The following LMF1 variants were observed in gnomAD, a reference collection of about 807,000 sequenced individuals.
LMF1 encodes the protein lipase maturation factor 1.
In LMF1, 68 loss-of-function variants were observed where a neutral mutation model predicts 60.6. That is an observed-to-expected ratio of 1.12 (90% CI 0.92 to 1.37). LMF1 has a LOEUF of 1.37. LMF1 is among the 40% of genes most tolerant of loss of function. The pLI is 0.00. For synonymous variants in LMF1, 418 were observed against 324.7 expected, an observed-to-expected ratio of 1.29 and a Z score of -3.09; for missense variants, 948 against 767.2, an observed-to-expected ratio of 1.24 and a Z score of -2.78.
At chr16:889,589 G>A (rs1391861720) in intron 5 of LMF1, among the ~76,000 whole-genome samples, 1 of 152,180 alleles carries the variant, frequency 6.6e-6, no homozygotes, top group Non-Finnish European at 1.5e-5. Flanking sequence ...CTACAGCATA[G>A]GGGCAACTTT....
chr16:854,655 C>G lies in LMF1; in HGVS notation c.1581G>C (p.Arg527Ser). 1 of 1,604,846 alleles carries G rather than the reference C, an allele frequency of 6.2e-7. No individual in the cohort carries two copies. The highest frequency in any genetic ancestry group is 8.5e-7 in the Non-Finnish European group (1 of 1,177,998). Residue 527 changes from arginine (R) to serine (S), a missense_variant, in exon 11 of 11, where the codon AGG becomes AGC. Physicochemically the swap from Arg to Ser is moderately radical, Grantham distance 110 (BLOSUM62 -1). Coordinates refer to ENST00000262301, the MANE Select transcript of LMF1 (RefSeq NM_022773.4). The stretch of plus-strand genomic sequence containing the variant: ...CCCACCACTTGCCCTCGGCGGCGTG[C>G]CTGCCCCCAGGACGGCTGAACTTGT... ...YRYKFSRPGG[R>S]HAAEGKWWVR...
intron 10 of LMF1, among the ~76,000 whole-genome samples, chr16:859,069 C>G (rs1596830081): frequency 1.9e-5 from 2 of 105,724 alleles, no homozygotes; most frequent in Non-Finnish European, 1.8e-5. Flanking sequence ...AGTGGTGTCA[C>G]GGGACGGGTG....
chr16:862,962 C>T (rs1030893125), intron 10 of LMF1, among the ~76,000 whole-genome samples: 1 of 152,070 alleles, frequency 6.6e-6, no homozygotes, highest in Non-Finnish European at 1.5e-5. Flanking sequence ...ACCATCTGAG[C>T]CTGGATATTT....
At chr16:925,489 G>A (rs892176736) in intron 3 of LMF1, among the ~76,000 whole-genome samples, 5 of 152,166 alleles carry the variant, frequency 3.3e-5, no homozygotes, top group African/African-American at 1.2e-4. Context: ...AAGCACTTTG[G>A]GAGGTCAAGA....
At chr16:910,564 C>T (rs555666066) in intron 4 of LMF1, among the ~76,000 whole-genome samples, 3 of 152,188 alleles carry the variant, frequency 2.0e-5, no homozygotes, top group Admixed American at 1.3e-4. Flanking sequence ...CATTTAAAAA[C>T]GAGCTCTGAA....
intron 2 of LMF1, among the ~76,000 whole-genome samples, chr16:950,678 CAG>C (rs1279253700): frequency 1.3e-5 from 2 of 148,434 alleles, no homozygotes; most frequent in African/African-American, 2.5e-5. Context: ...GAGACAATGA[CAG>C]AGTCAGCCAA....
At chr16:926,200 C>T (rs12599741) in intron 3 of LMF1, among the ~76,000 whole-genome samples, 1,872 of 143,426 alleles carry the variant, frequency 0.013, 23 homozygotes, top group South Asian at 0.11. Context: ...GATCTGCATA[C>T]GTGGGTCTGT....
chr16:873,341 C>T (rs2069861967), intron 6 of LMF1: 1 of 152,278 alleles, frequency 6.6e-6, no homozygotes, highest in Admixed American at 6.5e-5. Context: ...GCTGTGCGGC[C>T]CACAGATGAC....
At position 950,112 on chromosome 16, in the gene LMF1, CAG is replaced by C. The variant is rs1226096224; in HGVS notation, c.503+4243_503+4244del. ...ACAGAGTCAGAGCCAACGACAGAGT[CAG>C]AGACGAAAGACTCAGAGCCAATGAC... is the stretch of plus-strand genomic sequence containing the variant. On this transcript the variant is annotated intron_variant, in intron 2 of 10. Transcript: ENST00000262301. 4.2e-5 allele frequency among the ~76,000 whole-genome samples: 4 copies of C among 95,428 alleles called. 2 individuals carry two copies. The highest frequency in any genetic ancestry group is 2.6e-4 in the African/African-American group (4 of 15,608). 62.6% of individuals were successfully genotyped at this position (95,428 alleles called of 152,430 possible).
At chr16:949,048 CAG>C (rs1311002446) in intron 2 of LMF1, among the ~76,000 whole-genome samples, 1 of 145,570 alleles carries the variant, frequency 6.9e-6, no homozygotes, top group Non-Finnish European at 1.5e-5. Flanking sequence ...CAGCCAACGA[CAG>C]AGTCAGAGCC....
chr16:975,779 G>A (rs745328509), upstream of LMF1: 1 of 452,942 alleles, frequency 2.2e-6, no homozygotes, highest in Non-Finnish European at 4.4e-6. Context: ...CACAGGGTGT[G>A]TTTTCATTTG....
chr16:945,729 C>A (rs548341802), intron 2 of LMF1, among the ~76,000 whole-genome samples: 2 of 152,268 alleles, frequency 1.3e-5, no homozygotes, highest in East Asian at 3.9e-4. Context: ...GGTCAGGAAT[C>A]TATTTGGAGA....
chr16:943,327 C>T (rs1417934934), intron 2 of LMF1, among the ~76,000 whole-genome samples: 9 of 148,618 alleles, frequency 6.1e-5, no homozygotes, highest in East Asian at 4.0e-4. Flanking sequence ...GCCGAGATCG[C>T]GCCACTGCAC....
intron 1 of LMF1, among the ~76,000 whole-genome samples, chr16:956,034 T>C (rs77916141): frequency 0.095 from 3,190 of 33,670 alleles, 326 homozygotes; most frequent in African/African-American, 0.28. Flanking sequence ...CACAGGTCTC[T>C]GAGTTCACGT....
At chr16:901,237 G>A (rs1054103236) in intron 4 of LMF1, 3 of 152,180 alleles carry the variant, frequency 2.0e-5, no homozygotes, top group East Asian at 1.9e-4. Context: ...ATACGCAACC[G>A]AGACCTCTGC....
chr16:858,941 A>T (rs1435019195), intron 10 of LMF1, among the ~76,000 whole-genome samples: 1 of 44,814 alleles, frequency 2.2e-5, no homozygotes, highest in Non-Finnish European at 3.8e-5. Context: ...ACGGGTGTGC[A>T]GTGGTGTCAC....
chr16:877,280 G>A (rs1350099153), intron 6 of LMF1, among the ~76,000 whole-genome samples: 2 of 152,142 alleles, frequency 1.3e-5, no homozygotes, highest in African/African-American at 4.8e-5. Context: ...GAAAACAGAT[G>A]AACAAATTCC....
At chr16:904,487 C>T (rs603543) in intron 4 of LMF1, among the ~76,000 whole-genome samples, 134 of 44,108 alleles carry the variant, frequency 3.0e-3, no homozygotes, top group Admixed American at 6.3e-3. Context: ...GACCTCTGCA[C>T]CGCCCACAGG....
chr16:871,196 CTCTGCA>C lies in LMF1; in HGVS notation c.1037_1042del (p.Met346_Gln347del), dbSNP rs756474641. ...CTCGGGCCGGGCCCCTCGGATGTCC[CTCTGCA>C]TCTGCAGAACTCGGTCCTTCAGGCT... On this transcript the variant is annotated inframe_deletion, in exon 7 of 11. Transcript: ENST00000262301. 80 of 1,609,756 alleles carry C rather than the reference CTCTGCA, an allele frequency of 5.0e-5. No homozygotes were observed. The highest frequency in any genetic ancestry group is 6.8e-5 in the Non-Finnish European group (80 of 1,178,852).
Sources: allele counts gnomAD v4.1 joint callset (sites outside exome capture counted in the v4.1 genomes callset), GRCh38; gene constraint gnomAD v4.1.1; transcripts MANE v1.5; gene names NCBI Gene and HGNC (gene_info 2026-07-23, HGNC 2026-07-21).